SNX25: variants seen among roughly 807,000 people sequenced by gnomAD.
The protein encoded by SNX25 is sorting nexin-25.
In SNX25, 62 loss-of-function variants were observed where a neutral mutation model predicts 113.7. That is an observed-to-expected ratio of 0.55 (90% CI 0.44 to 0.67). The LOEUF (loss-of-function observed/expected upper bound fraction) is 0.67, where lower values mean the gene tolerates loss of function less well. SNX25 is among the 30% of genes least tolerant of loss of function. The pLI is 0.00. For synonymous variants in SNX25, 421 were observed against 436.2 expected (o/e 0.97, Z 0.43); for missense variants, 1,014 against 1,161.0 (o/e 0.87, Z 1.84).
chr4:185,341,039 G>A (rs554434494), intron 11 of SNX25, among the ~76,000 whole-genome samples: 2 of 152,332 alleles, frequency 1.3e-5, no homozygotes, highest in African/African-American at 4.8e-5. Context: ...GCCTCACAGA[G>A]TGGGTGCTCA....
At chr4:185,243,112 G>A (rs1453454568) in intron 1 of SNX25, among the ~76,000 whole-genome samples, 1 of 152,078 alleles carries the variant, frequency 6.6e-6, no homozygotes, top group African/African-American at 2.4e-5. Context: ...TAATAGGTAG[G>A]GGTTTTGCTT....
chr4:185,302,284 G>A (rs1753812236), intron 6 of SNX25, among the ~76,000 whole-genome samples: 1 of 151,264 alleles, frequency 6.6e-6, no homozygotes, highest in Non-Finnish European at 1.5e-5. Flanking sequence ...CTGTGGTAGT[G>A]AATTAATCAA....
intron 1 of SNX25, among the ~76,000 whole-genome samples, chr4:185,213,087 T>G (rs925929940): frequency 6.6e-6 from 1 of 152,254 alleles, no homozygotes; most frequent in African/African-American, 2.4e-5. Context: ...CAAATGCTTC[T>G]GAATACTTCA....
At chr4:185,258,728 C>T (rs750850190) in intron 2 of SNX25, 120 bp from the exon 3 acceptor site, 5 of 751,518 alleles carry the variant, frequency 6.7e-6, no homozygotes, top group Non-Finnish European at 1.1e-5. Context: ...TCTGTTTTCT[C>T]CTCTCTTTAA....
At chr4:185,367,337 G>A, downstream of SNX25, 1 of 1,121,008 alleles carries the variant, frequency 8.9e-7, no homozygotes, top group Non-Finnish European at 1.3e-6. Context: ...TCATTTTTAA[G>A]AATAGTAAAG....
At position 185,229,599 on chromosome 4, in the gene SNX25, C is replaced by T. The variant is rs75710521; in HGVS notation, c.430-17695C>T. Among the ~76,000 whole-genome samples the T allele has an allele frequency of 7.5e-3, 1,136 of 152,258 alleles. 15 individuals are homozygous for T. Among genetic ancestry groups the T allele is most frequent in the African/African-American group, 0.025 (1,045 of 41,550 alleles). On this transcript the variant is annotated intron_variant, in intron 1 of 18. Coordinates refer to ENST00000652585, the MANE Select transcript of SNX25 (RefSeq NM_001378034.2). ...GTGTTGCCATCTGTTGATTTGCCCA[C>T]GGCTGTCTCTGGGTGTGCCAGCGTC...
downstream of SNX25, among the ~76,000 whole-genome samples, chr4:185,368,940 T>C (rs2095403726): frequency 6.6e-6 from 1 of 151,090 alleles, no homozygotes; most frequent in Non-Finnish European, 1.5e-5. Context: ...ACTATGGACA[T>C]GCGTTACCAT....
At chr4:185,368,609 C>T (rs1029912711), downstream of SNX25, among the ~76,000 whole-genome samples, 29 of 152,320 alleles carry the variant, frequency 1.9e-4, no homozygotes, top group African/African-American at 6.5e-4. Context: ...CCAGACCCTT[C>T]ACTGGTTTAC....
At position 185,358,995 on chromosome 4, in the gene SNX25, G is replaced by T. The variant is rs890830490; in HGVS notation, c.2651+1258G>T. Among the ~76,000 whole-genome samples, 3 of 152,184 alleles carry T rather than the reference G, an allele frequency of 2.0e-5. No individual in the cohort carries two copies. In the South Asian group the frequency reaches 6.2e-4, roughly 32 times the overall value. On this transcript the variant is annotated intron_variant, in intron 16 of 18. Coordinates refer to ENST00000652585, the MANE Select transcript of SNX25 (RefSeq NM_001378034.2). Reference sequence around the variant, plus strand: ...ACATTTGCTATTTTTTTATTGATTTGCCAATGAATATATTTTCCTTGTGGT... The same window carrying T: ...ACATTTGCTATTTTTTTATTGATTTTCCAATGAATATATTTTCCTTGTGGT...
At chr4:185,343,000 C>T (rs1018640234) in intron 12 of SNX25, among the ~76,000 whole-genome samples, 2 of 152,192 alleles carry the variant, frequency 1.3e-5, no homozygotes, top group South Asian at 2.1e-4. Flanking sequence ...AAGCGATTCT[C>T]CTGCCTCAGC....
intron 2 of SNX25, among the ~76,000 whole-genome samples, chr4:185,257,659 C>G (rs1746654804): frequency 6.6e-6 from 1 of 151,808 alleles, no homozygotes; most frequent in African/African-American, 2.4e-5. Flanking sequence ...TATTGTTTAT[C>G]TTATTTTTTA....
At chr4:185,346,785 G>GTT in intron 13 of SNX25, 135 bp downstream of exon 13, 1 of 585,796 alleles carries the variant, frequency 1.7e-6, no homozygotes, top group Non-Finnish European at 2.9e-6. Flanking sequence ...TATCTTGGGT[G>GTT]TTTTTTTTAA....
At chr4:185,369,991 G>A (rs1242839227) in exon 12 of SNX25, 1 of 212,794 alleles carries the variant, frequency 4.7e-6, no homozygotes, top group South Asian at 6.7e-5. Context: ...ATTCTGACTC[G>A]TGGATGTGAT....
At chr4:185,283,556 T>C (rs139825347) in intron 5 of SNX25, among the ~76,000 whole-genome samples, 47 of 152,344 alleles carry the variant, frequency 3.1e-4, no homozygotes, top group African/African-American at 1.1e-3. Flanking sequence ...GATCTGGCAT[T>C]GGCCATACTT....
At chr4:185,251,604 T>C (rs1309222877) in intron 2 of SNX25, among the ~76,000 whole-genome samples, 30 of 43,980 alleles carry the variant, frequency 6.8e-4, no homozygotes, top group Admixed American at 1.9e-3. Context: ...ATTGCGTGTG[T>C]GTGTGTGTGT....
At chr4:185,370,669 C>A (rs1356204807), downstream of SNX25, 1 of 1,614,016 alleles carries the variant, frequency 6.2e-7, no homozygotes. Context: ...GCGGTTGTTT[C>A]ATCCCTGGTG....
At chr4:185,253,323 A>G (rs544566132) in intron 2 of SNX25, among the ~76,000 whole-genome samples, 10 of 152,198 alleles carry the variant, frequency 6.6e-5, no homozygotes, top group Non-Finnish European at 1.5e-4. Context: ...CCTGTCTGCC[A>G]CACAGAAAAC....
chr4:185,296,784 C>G (rs1047012770), intron 6 of SNX25, among the ~76,000 whole-genome samples: 4 of 152,154 alleles, frequency 2.6e-5, no homozygotes, highest in Non-Finnish European at 4.4e-5. Context: ...TTAGTTTGCT[C>G]GCAAAATTTT....
intron 16 of SNX25, among the ~76,000 whole-genome samples, chr4:185,360,992 A>T (rs1156763130): frequency 6.6e-6 from 1 of 151,194 alleles, no homozygotes; most frequent in African/African-American, 2.4e-5. Flanking sequence ...GTTGTGTAGA[A>T]GACCTGGGTA....
Sources: allele counts gnomAD v4.1 joint callset (sites outside exome capture counted in the v4.1 genomes callset), GRCh38; gene constraint gnomAD v4.1.1; transcripts MANE v1.5; gene names NCBI Gene and HGNC (gene_info 2026-07-23, HGNC 2026-07-21).